CSMD2: variants seen among roughly 807,000 people sequenced by gnomAD.
The protein encoded by CSMD2 is CUB and Sushi multiple domains 2.
Under a neutral mutation model 398.5 loss-of-function variants are expected in CSMD2, and 130 were observed. The ratio of observed to expected loss-of-function variants is 0.33; its 90% CI spans 0.28 to 0.38. CSMD2 has a LOEUF of 0.38. Ranked by LOEUF, CSMD2 falls within the 10% of genes least tolerant of loss-of-function variation. CSMD2 has a pLI of 1.00. For missense variants in CSMD2, 3,829 were observed against 4,764.9 expected, an observed-to-expected ratio of 0.80 and a Z score of 5.78; for synonymous variants, 1,828 against 1,908.5, an observed-to-expected ratio of 0.96 and a Z score of 1.10.
chr1:34,141,159 C>G (rs911831410), intron 1 of CSMD2, among the ~76,000 whole-genome samples: 1 of 152,108 alleles, frequency 6.6e-6, no homozygotes, highest in Non-Finnish European at 1.5e-5. Context: ...CCATACCCCC[C>G]ACCCACCCCC....
chr1:33,704,419 G>T (rs1209021858), intron 22 of CSMD2, among the ~76,000 whole-genome samples: 1 of 152,108 alleles, frequency 6.6e-6, no homozygotes, highest in Non-Finnish European at 1.5e-5. Flanking sequence ...TCTTTAGGAA[G>T]TTTTGCCATT....
At position 33,833,252 on chromosome 1, in the gene CSMD2, A is replaced by G. The variant is rs573806504; in HGVS notation, c.1034-7478T>C. On this transcript the variant is annotated intron_variant, in intron 6 of 70. Coordinates refer to ENST00000373381, the MANE Select transcript of CSMD2 (RefSeq NM_001281956.2). Reference sequence around the variant, plus strand: ...ATGAACATTGATGCAAAAATCCTCAATAAAATACTGGCAAACAGAATCCAG... The same window carrying G: ...ATGAACATTGATGCAAAAATCCTCAGTAAAATACTGGCAAACAGAATCCAG... Among the ~76,000 whole-genome samples the G allele has an allele frequency of 5.5e-4, 54 of 97,942 alleles. 5 individuals are homozygous for G. Among genetic ancestry groups the G allele is most frequent in the African/African-American group, 2.6e-3 (53 of 20,614 alleles). The allele number at this position is 97,942 out of a possible 152,430, so 64.3% of individuals were successfully genotyped here. A position where few individuals can be genotyped will look rare whatever the true frequency, so the allele number is the denominator to read the frequency against.
chr1:33,864,177 G>A, intron 5 of CSMD2: 1 of 1,579,562 alleles, frequency 6.3e-7, no homozygotes, highest in Non-Finnish European at 8.6e-7. Context: ...CCAGAAAAAA[G>A]GTGAACTTAC....
intron 65 of CSMD2, among the ~76,000 whole-genome samples, chr1:33,526,695 T>A (rs1191823199): frequency 1.3e-5 from 2 of 152,244 alleles, no homozygotes; most frequent in African/African-American, 4.8e-5. Context: ...GTTTCCTGCA[T>A]AATACACATG....
chr1:33,855,468 G>A (rs1484834369), intron 5 of CSMD2, among the ~76,000 whole-genome samples: 1 of 152,054 alleles, frequency 6.6e-6, no homozygotes, highest in Non-Finnish European at 1.5e-5. Flanking sequence ...GGGAGATTTG[G>A]GAAATGGTGT....
At chr1:33,622,050 G>A (rs1418175693) in intron 37 of CSMD2, 117 bp downstream of exon 37, 1 of 768,262 alleles carries the variant, frequency 1.3e-6, no homozygotes, top group Non-Finnish European at 2.3e-6. Context: ...AGGTTTGTGG[G>A]AAGGCTTAAG....
At chr1:33,752,306 C>G (rs1648362051) in intron 13 of CSMD2, among the ~76,000 whole-genome samples, 1 of 152,228 alleles carries the variant, frequency 6.6e-6, no homozygotes, top group African/African-American at 2.4e-5. Context: ...GCGCCATCCC[C>G]TTGGTGATGA....
In CSMD2 at chr1:33,537,358, A is replaced by ATT; in HGVS notation, c.9805+77_9805+78insAA. ...ATGAGACCACTGAAGACAGGGAAGGAAAGTAATCATCTCAGGCCCAAAAGA... is the reference window on the plus strand; with the variant it reads ...ATGAGACCACTGAAGACAGGGAAGGATTAAGTAATCATCTCAGGCCCAAAAGA... On this transcript the variant is annotated intron_variant, in intron 61 of 70. Coordinates refer to ENST00000373381, the MANE Select transcript of CSMD2 (RefSeq NM_001281956.2). The surrounding 1 kb of genome is among the most constrained non-coding windows in gnomAD (Gnocchi z 4.6). 1 of 1,448,710 alleles carries ATT rather than the reference A, an allele frequency of 6.9e-7. No homozygotes were observed. Among genetic ancestry groups the ATT allele is most frequent in the Non-Finnish European group, 9.4e-7 (1 of 1,061,838 alleles). The allele number at this position is 1,448,710 out of a possible 1,614,324, so 89.7% of individuals were successfully genotyped here. A position where few individuals can be genotyped will look rare whatever the true frequency, so the allele number is the denominator to read the frequency against.
chr1:34,062,059 T>C (rs1174261814), intron 2 of CSMD2, among the ~76,000 whole-genome samples: 1 of 152,252 alleles, frequency 6.6e-6, no homozygotes, highest in East Asian at 1.9e-4. Context: ...GTCATGAGTG[T>C]GCTGGCTTCC....
At chr1:33,581,864 A>T (rs1470865930) in intron 47 of CSMD2, among the ~76,000 whole-genome samples, 1 of 152,224 alleles carries the variant, frequency 6.6e-6, no homozygotes, top group Admixed American at 6.5e-5. Flanking sequence ...GACAGCTCTT[A>T]GAAGCTTGGA....
At chr1:33,979,030 C>T (rs981393817) in intron 3 of CSMD2, among the ~76,000 whole-genome samples, 1 of 152,214 alleles carries the variant, frequency 6.6e-6, no homozygotes, top group African/African-American at 2.4e-5. Flanking sequence ...TCTCCACCCT[C>T]CCATCATTGC....
intron 1 of CSMD2, among the ~76,000 whole-genome samples, chr1:34,119,839 C>T (rs1274472641): frequency 1.3e-5 from 2 of 152,018 alleles, no homozygotes; most frequent in East Asian, 1.9e-4. Flanking sequence ...AATGGTACAG[C>T]TGCTATAAAA....
At chr1:33,677,374 T>C (rs1644753232) in intron 25 of CSMD2, among the ~76,000 whole-genome samples, 1 of 152,346 alleles carries the variant, frequency 6.6e-6, no homozygotes, top group South Asian at 2.1e-4. Flanking sequence ...TCATCATCAC[T>C]GGCCATCAGA....
chr1:34,144,116 A>C (rs560498123), intron 1 of CSMD2, among the ~76,000 whole-genome samples: 237 of 152,264 alleles, frequency 1.6e-3, no homozygotes, highest in African/African-American at 5.5e-3. Context: ...AGCTTTGAGA[A>C]ACCTCCAAGG....
intron 5 of CSMD2, among the ~76,000 whole-genome samples, chr1:33,895,354 T>C (rs1642311117): frequency 1.3e-5 from 2 of 151,852 alleles, no homozygotes; most frequent in South Asian, 4.2e-4. Flanking sequence ...GCAGGGTGTA[T>C]GGGTTTGTGG....
At chr1:33,569,287 G>A in intron 52 of CSMD2, 87 bp downstream of exon 52, 1 of 1,382,036 alleles carries the variant, frequency 7.2e-7, no homozygotes, top group African/African-American at 1.4e-5. Flanking sequence ...AAATGATACT[G>A]TTTAAAGACT....
intron 13 of CSMD2, among the ~76,000 whole-genome samples, chr1:33,763,172 A>C (rs1650052691): frequency 2.0e-5 from 3 of 152,250 alleles, no homozygotes; most frequent in Non-Finnish European, 4.4e-5. Context: ...GATGTAATCC[A>C]AGAGCTCAAG....
At chr1:33,738,506 T>C (rs899494670) in intron 15 of CSMD2, among the ~76,000 whole-genome samples, 5 of 152,156 alleles carry the variant, frequency 3.3e-5, no homozygotes, top group African/African-American at 4.8e-5. Context: ...GTCTGTAGTT[T>C]GGTGGAACAG....
intron 1 of CSMD2, among the ~76,000 whole-genome samples, chr1:34,160,475 A>C (rs994924787): frequency 2.0e-5 from 3 of 152,186 alleles, no homozygotes; most frequent in African/African-American, 7.2e-5. Context: ...TTGTGGGGAA[A>C]GGAACAGGGG....
Sources: gnomAD v4.1 joint callset for allele counts (sites outside exome capture counted in the v4.1 genomes callset) on GRCh38, gnomAD v4.1.1 for gene constraint, Gnocchi (gnomAD v3.1) non-coding constraint, MANE v1.5 for transcripts, NCBI Gene and HGNC (gene_info 2026-07-23, HGNC 2026-07-21) for gene names.